The following ABCD2 variants were observed in gnomAD, a reference collection of about 807,000 sequenced individuals.
ABCD2 encodes ATP-binding cassette sub-family D member 2.
In ABCD2, 36 loss-of-function variants were observed where a neutral mutation model predicts 70.9. The observed-to-expected ratio is 0.51, with a 90% CI of 0.39 to 0.67. ABCD2 has a LOEUF of 0.67. Among genes scored for constraint, ABCD2 ranks in the 30% least tolerant of loss-of-function variants. The pLI, the probability that ABCD2 is intolerant of heterozygous loss-of-function variation, is 0.00. For missense variants in ABCD2, 729 were observed against 890.2 expected (o/e 0.82, Z 2.30); for synonymous variants, 304 against 306.9 (o/e 0.99, Z 0.10).
At chr12:39,534,748 GA>G in the ABCD2 span, among the ~76,000 whole-genome samples, 3 of 91,306 alleles carry the variant, frequency 3.3e-5, no homozygotes, top group Admixed American at 1.3e-4. Flanking sequence ...AGGAAGGAAG[GA>G]AAGAAAGAAA....
the ABCD2 span, among the ~76,000 whole-genome samples, chr12:39,537,794 G>T: frequency 4.6e-5 from 7 of 152,094 alleles, no homozygotes; most frequent in African/African-American, 7.2e-5. Context: ...CCAACCTATT[G>T]GTAGACCAGA....
intron 9 of ABCD2, among the ~76,000 whole-genome samples, chr12:39,568,429 G>C (rs1327083276): frequency 6.6e-6 from 1 of 152,122 alleles, no homozygotes; most frequent in African/African-American, 2.4e-5. Context: ...GGCTACTGAG[G>C]CTTGTGCATT....
rs1379334679 is a variant in ABCD2, at chr12:39,619,482, T to C, written c.134A>G (p.Lys45Arg). The change falls in exon 1 of 10, where the codon AAG becomes AGG. Residue 45 changes from lysine (K) to arginine (R), a missense_variant. Physicochemically the swap from Lys to Arg is conservative, Grantham distance 26 (BLOSUM62 2). Around this residue, in one of 3 missense-constraint regions of ABCD2, gnomAD observed 245 missense variants for 261.2 expected, o/e 0.94. Coordinates refer to ENST00000308666, the MANE Select transcript of ABCD2 (RefSeq NM_005164.4). ...TLYPIIGKRL[K>R]QSGHGKKKAA... ...TTTTTTCTTCCCGTGGCCAGATTGC[T>C]TTAAACGCTTGCCAATGATGGGATA... The C allele has an allele frequency of 1.2e-6, 2 of 1,613,638 alleles. No homozygotes were observed. The highest frequency in any genetic ancestry group is 1.7e-6 in the Non-Finnish European group (2 of 1,180,016).
intron 9 of ABCD2, among the ~76,000 whole-genome samples, chr12:39,569,737 T>C (rs925546513): frequency 6.6e-6 from 1 of 152,244 alleles, no homozygotes; most frequent in Non-Finnish European, 1.5e-5. Context: ...AGTTGTAGAC[T>C]GGAGCTGTTC....
At chr12:39,591,315 C>T (rs563371579) in intron 6 of ABCD2, among the ~76,000 whole-genome samples, 23 of 152,086 alleles carry the variant, frequency 1.5e-4, no homozygotes, top group Non-Finnish European at 3.2e-4. Flanking sequence ...TAGATATTTA[C>T]TATTACTGAA....
intron 9 of ABCD2, among the ~76,000 whole-genome samples, chr12:39,570,747 C>A (rs1941436395): frequency 6.6e-6 from 1 of 152,038 alleles, no homozygotes; most frequent in Admixed American, 6.6e-5. Context: ...TAAAAATAGA[C>A]AAATGGGATT....
intron 9 of ABCD2, among the ~76,000 whole-genome samples, chr12:39,568,373 A>C (rs1475120942): frequency 6.6e-6 from 1 of 152,024 alleles, no homozygotes; most frequent in Non-Finnish European, 1.5e-5. Context: ...CATTTCATTC[A>C]TTTGATCTTC....
chr12:39,531,660 A>G, the ABCD2 span, among the ~76,000 whole-genome samples: 4 of 152,172 alleles, frequency 2.6e-5, no homozygotes, highest in African/African-American at 9.7e-5. Flanking sequence ...CCTCTCTTTG[A>G]TCAGATTATT....
chr12:39,573,797 A>G lies in ABCD2; in HGVS notation c.1922T>C (p.Ile641Thr), dbSNP rs1470971597. 1.9e-6 allele frequency: 3 copies of G among 1,613,222 alleles called. No homozygotes were observed. Among genetic ancestry groups the G allele is most frequent in the East Asian group, 2.2e-5 (1 of 44,828 alleles). The change falls in exon 9 of 10, where the codon ATT becomes ACT. Residue 641 changes from isoleucine to threonine, a missense_variant. Ile to Thr is a moderately conservative substitution (Grantham distance 89). This residue lies in a region of ABCD2 where 289 missense variants were observed against 328.8 expected (regional missense o/e 0.88). Coordinates refer to ENST00000308666, the MANE Select transcript of ABCD2 (RefSeq NM_005164.4). ...LLDECTSAVS[I>T]DVEGKIFQAA... ...CTGAAATATCTTTCCTTCGACATCA[A>G]TGCTGACAGCACTGGTACATTCATC... is the stretch of plus-strand genomic sequence containing the variant.
chr12:39,583,807 A>C (rs1439815005), intron 7 of ABCD2, among the ~76,000 whole-genome samples: 1 of 152,234 alleles, frequency 6.6e-6, no homozygotes, highest in Non-Finnish European at 1.5e-5. Context: ...TAGTTTGCTA[A>C]GGATGATTGC....
At chr12:39,594,596 G>T (rs1941790012) in intron 6 of ABCD2, among the ~76,000 whole-genome samples, 1 of 152,114 alleles carries the variant, frequency 6.6e-6, no homozygotes, top group African/African-American at 2.4e-5. Context: ...ATCAATTAAA[G>T]ATACCAAAGA....
intron 8 of ABCD2, among the ~76,000 whole-genome samples, chr12:39,576,431 T>C (rs989894542): frequency 6.6e-6 from 1 of 152,142 alleles, no homozygotes; most frequent in Non-Finnish European, 1.5e-5. Flanking sequence ...AGTGCTGGGA[T>C]TATAGGCGTG....
the ABCD2 span, among the ~76,000 whole-genome samples, chr12:39,537,188 G>T: frequency 2.0e-5 from 3 of 152,168 alleles, no homozygotes; most frequent in East Asian, 3.9e-4. Context: ...CTCTTCAAAA[G>T]CTCCACTTGG....
At chr12:39,580,825 T>C (rs1158541958) in intron 7 of ABCD2, among the ~76,000 whole-genome samples, 1 of 152,154 alleles carries the variant, frequency 6.6e-6, no homozygotes, top group Non-Finnish European at 1.5e-5. Context: ...ACCATTAAAA[T>C]TTTGAAATTT....
chr12:39,531,365 G>A, the ABCD2 span, among the ~76,000 whole-genome samples: 1 of 152,206 alleles, frequency 6.6e-6, no homozygotes, highest in African/African-American at 2.4e-5. Flanking sequence ...AATCATGAGA[G>A]CAGAGACCTC....
intron 9 of ABCD2, among the ~76,000 whole-genome samples, chr12:39,569,555 C>T (rs530947881): frequency 6.6e-6 from 1 of 152,294 alleles, no homozygotes; most frequent in South Asian, 2.1e-4. Flanking sequence ...AAGGGAATTC[C>T]CTGACCCCTT....
chr12:39,540,363 C>G, the ABCD2 span, among the ~76,000 whole-genome samples: 74 of 152,176 alleles, frequency 4.9e-4, no homozygotes, highest in Non-Finnish European at 4.4e-5. Flanking sequence ...TTTATTTAAC[C>G]CTATGTATCC....
the ABCD2 span, among the ~76,000 whole-genome samples, chr12:39,533,947 C>T: frequency 2.0e-5 from 3 of 152,110 alleles, no homozygotes; most frequent in Non-Finnish European, 4.4e-5. Flanking sequence ...TGAATCTCAA[C>T]GAAAGTGATA....
the ABCD2 span, among the ~76,000 whole-genome samples, chr12:39,532,788 T>G: frequency 1.1e-3 from 165 of 152,272 alleles, no homozygotes; most frequent in Admixed American, 5.7e-3. Flanking sequence ...ATCTATAATA[T>G]ATTAGATAAA....
Sources: allele counts gnomAD v4.1 joint callset (sites outside exome capture counted in the v4.1 genomes callset), GRCh38; gene constraint gnomAD v4.1.1; regional missense constraint gnomAD v4.1.1; transcripts MANE v1.5; gene names NCBI Gene and HGNC (gene_info 2026-07-23, HGNC 2026-07-21).